Variants in FERMT1 observed in about 807,000 individuals in gnomAD.
FERMT1 encodes fermitin family homolog 1.
FERMT1 carries 60 observed loss-of-function variants against 85.3 expected under a neutral mutation model. That is an observed-to-expected ratio of 0.70 (90% CI 0.57 to 0.87). The LOEUF (loss-of-function observed/expected upper bound fraction) is 0.87. Among genes scored for constraint, FERMT1 ranks in the 40% least tolerant of loss-of-function variants. The probability of loss-of-function intolerance (pLI) is 0.00; values close to 1 mark genes in which losing one functional copy is unlikely to be tolerated. For synonymous variants in FERMT1, 275 were observed against 301.1 expected, an observed-to-expected ratio of 0.91 and a Z score of 0.90; for missense variants, 701 against 818.9, an observed-to-expected ratio of 0.86 and a Z score of 1.76.
chr20:6,088,521 C>A (rs904855014), intron 10 of FERMT1, among the ~76,000 whole-genome samples: 2 of 152,152 alleles, frequency 1.3e-5, no homozygotes, highest in African/African-American at 4.8e-5. Context: ...GCAGCTGCAG[C>A]CAGGCTGTCA....
chr20:6,121,100 G>C (rs1246279144), intron 1 of FERMT1, among the ~76,000 whole-genome samples: 2 of 152,126 alleles, frequency 1.3e-5, no homozygotes, highest in Non-Finnish European at 2.9e-5. Flanking sequence ...CAAGAGTTCA[G>C]AAGTAGCTCC....
At chr20:6,097,213 A>G (rs1272806663) in intron 7 of FERMT1, among the ~76,000 whole-genome samples, 180 bp from the exon 8 acceptor site, 1 of 152,202 alleles carries the variant, frequency 6.6e-6, no homozygotes, top group Non-Finnish European at 1.5e-5. Flanking sequence ...TCTGAGGTTC[A>G]TGGTTAGTCA....
intron 5 of FERMT1, 23 bp downstream of exon 5, chr20:6,110,275 A>G: frequency 6.3e-7 from 1 of 1,586,752 alleles, no homozygotes; most frequent in Middle Eastern, 2.2e-4. Flanking sequence ...CTCAGAGAGA[A>G]GTAAAAGGAG....
intron 6 of FERMT1, 79 bp from the exon 7 acceptor site, chr20:6,097,710 C>G (rs1982548642): frequency 1.0e-6 from 1 of 994,574 alleles, no homozygotes; most frequent in African/African-American, 1.6e-5. Context: ...ACAACTGAGG[C>G]CATTCTCTGT....
chr20:6,097,105 AT>A, intron 7 of FERMT1, 72 bp from the exon 8 acceptor site: 5 of 1,486,238 alleles, frequency 3.4e-6, no homozygotes, highest in East Asian at 2.3e-5. Flanking sequence ...TCCATTAGCC[AT>A]TTTTTTCTTT....
intron 12 of FERMT1, among the ~76,000 whole-genome samples, chr20:6,084,772 C>T (rs1982113535): frequency 6.6e-6 from 1 of 151,712 alleles, no homozygotes; most frequent in Admixed American, 6.6e-5. Context: ...CAGCTCACTG[C>T]AGCCTCCACC....
chr20:6,111,142 A>C (rs1982937257), intron 4 of FERMT1, among the ~76,000 whole-genome samples: 1 of 152,106 alleles, frequency 6.6e-6, no homozygotes, highest in Non-Finnish European at 1.5e-5. Flanking sequence ...CAGTTTTCCT[A>C]TTTCAGTAGG....
chr20:6,103,791 G>A (rs1982725639), intron 6 of FERMT1, among the ~76,000 whole-genome samples: 2 of 123,572 alleles, frequency 1.6e-5, no homozygotes, highest in Non-Finnish European at 3.4e-5. Flanking sequence ...TTTTTGGCCA[G>A]ATGTACAATT....
At chr20:6,107,386 G>A (rs1982827879) in intron 6 of FERMT1, 146 bp downstream of exon 6, 1 of 517,284 alleles carries the variant, frequency 1.9e-6, no homozygotes, top group Admixed American at 3.1e-5. Context: ...CAGAGACCAG[G>A]GTCCATGTAT....
Position 6,087,930 on chromosome 20 carries a change from T to A in FERMT1, c.1265-47A>T, listed in dbSNP as rs1380550853. On this transcript the variant is annotated intron_variant, in intron 10 of 14. Coordinates refer to ENST00000217289, the MANE Select transcript of FERMT1 (RefSeq NM_017671.5). ...CAAAACTGAGTTCTGAGGCATCTGT[T>A]AGATAAACATCAGGTGTGTATCTGA... 3.0e-6 allele frequency: 3 copies of A among 990,038 alleles called. No homozygotes were observed. In the Admixed American group the frequency reaches 5.1e-5, roughly 17 times the overall value. 61.3% of individuals were successfully genotyped at this position (990,038 alleles called of 1,614,324 possible). A position where few individuals can be genotyped will look rare whatever the true frequency, so the allele number is the denominator to read the frequency against.
At chr20:6,077,439 G>T in intron 14 of FERMT1, 93 bp from the exon 15 acceptor site, 2 of 1,226,338 alleles carry the variant, frequency 1.6e-6, no homozygotes, top group Non-Finnish European at 2.4e-6. Flanking sequence ...GCTGAGGGCT[G>T]CTGAGGTGGA....
At chr20:6,090,981 T>A (rs566152955) in intron 9 of FERMT1, among the ~76,000 whole-genome samples, 13 of 151,816 alleles carry the variant, frequency 8.6e-5, no homozygotes, top group Non-Finnish European at 1.6e-4. Context: ...CTGGCCAACA[T>A]GGTGAAACCC....
intron 6 of FERMT1, among the ~76,000 whole-genome samples, chr20:6,105,819 T>G (rs141586686): frequency 6.6e-6 from 1 of 152,194 alleles, no homozygotes; most frequent in Admixed American, 6.5e-5. Flanking sequence ...CAGATTTGAA[T>G]AGATAAGATG....
chr20:6,090,430 C>A (rs1054347345), intron 9 of FERMT1, among the ~76,000 whole-genome samples: 1 of 151,760 alleles, frequency 6.6e-6, no homozygotes, highest in African/African-American at 2.4e-5. Flanking sequence ...CATATGTTAT[C>A]CTTAACACAA....
At chr20:6,116,627 G>A (rs1163045654) in intron 2 of FERMT1, among the ~76,000 whole-genome samples, 2 of 151,612 alleles carry the variant, frequency 1.3e-5, no homozygotes, top group Non-Finnish European at 1.5e-5. Context: ...TACTCCAGAG[G>A]CTGAGGCAGG....
chr20:6,119,990 G>A lies in FERMT1; in HGVS notation c.-18-418C>T, dbSNP rs537367808. On this transcript the variant is annotated intron_variant, in intron 1 of 14. Transcript: ENST00000217289. The stretch of plus-strand genomic sequence containing the variant: ...AGGTATAATTTGCATGTAATAAAAT[G>A]CGCAGATTTTATATACTATAGTTCA... 2.0e-5 allele frequency among the ~76,000 whole-genome samples: 3 copies of A among 152,144 alleles called. No individual in the cohort carries two copies. The East Asian group carries it at 5.8e-4, about 29-fold the overall frequency.
At chr20:6,099,402 T>TC (rs1424832422) in intron 6 of FERMT1, among the ~76,000 whole-genome samples, 1 of 128,202 alleles carries the variant, frequency 7.8e-6, no homozygotes, top group African/African-American at 3.1e-5. Context: ...TGAGACTGTC[T>TC]CGAAAAAAAA....
chr20:6,074,920 T>A lies in FERMT1; in HGVS notation c.*2253A>T, dbSNP rs1278175580. ...TGCAGATTTCTGAATCAACTGTAGA[T>A]AAGGAAGCAAATGATGTTGAAAGGT... On this transcript the variant is annotated 3_prime_UTR_variant, in exon 15 of 15. Transcript: ENST00000217289. 1.3e-5 allele frequency: 2 copies of A among 152,214 alleles called. No individual in the cohort carries two copies. The highest frequency in any genetic ancestry group is 2.9e-5 in the Non-Finnish European group (2 of 68,020). 9.4% of individuals were successfully genotyped at this position (152,214 alleles called of 1,614,324 possible).
At chr20:6,079,316 T>C (rs1481635116) in intron 14 of FERMT1, 120 bp downstream of exon 14, 4 of 1,074,782 alleles carry the variant, frequency 3.7e-6, no homozygotes, top group East Asian at 2.4e-5. Context: ...ACAGTTACCA[T>C]ATGCTTGTGG....
Sources: allele counts gnomAD v4.1 joint callset (sites outside exome capture counted in the v4.1 genomes callset), GRCh38; gene constraint gnomAD v4.1.1; transcripts MANE v1.5; gene names NCBI Gene and HGNC (gene_info 2026-07-23, HGNC 2026-07-21).